The following SPEG variants were observed in gnomAD, a reference collection of about 807,000 sequenced individuals.
SPEG encodes the protein striated muscle enriched protein kinase.
A neutral mutation model predicts 300.4 loss-of-function variants in SPEG; 114 were observed. The observed-to-expected ratio is 0.38, with a 90% CI of 0.33 to 0.44. The LOEUF (loss-of-function observed/expected upper bound fraction) is 0.44, where lower values mean the gene tolerates loss of function less well. Among genes scored for constraint, SPEG ranks in the 20% least tolerant of loss-of-function variants. SPEG has a pLI of 1.00. For missense variants in SPEG, 4,201 were observed against 4,586.2 expected (o/e 0.92, Z 2.43); for synonymous variants, 1,964 against 2,018.9 (o/e 0.97, Z 0.73).
chr2:219,455,661 G>C (rs956860812), intron 6 of SPEG, among the ~76,000 whole-genome samples: 1 of 152,106 alleles, frequency 6.6e-6, no homozygotes, highest in Non-Finnish European at 1.5e-5. Context: ...GAAGAAGTTC[G>C]AGGTTGAGGT....
Position 219,467,419 on chromosome 2 carries a change from C to A in SPEG, c.3127C>A (p.Leu1043Ile), listed in dbSNP as rs1160103689. 6.2e-7 allele frequency: 1 copy of A among 1,604,428 alleles called. No homozygotes were observed. Among genetic ancestry groups the A allele is most frequent in the Admixed American group, 1.7e-5 (1 of 59,862 alleles). The stretch of plus-strand genomic sequence containing the variant: ...CGACAGTGGCGTCTACACCTGCAAG[C>A]TCAGCACGGCCAAAGGTAACTCCCC... ...EDDSGVYTCKLSTAKDELTCS... is the reference protein window; with the variant it reads ...EDDSGVYTCKISTAKDELTCS... Residue 1043 changes from leucine to isoleucine, a missense_variant, in exon 10 of 41, where the codon CTC (leucine) becomes ATC (isoleucine). Leu to Ile is a conservative substitution (Grantham distance 5, BLOSUM62 2). Transcript: ENST00000312358.
chr2:219,467,459 C>G, intron 10 of SPEG, 25 bp downstream of exon 10: 1 of 1,580,680 alleles, frequency 6.3e-7, no homozygotes. Flanking sequence ...AGGCATTGGG[C>G]TGCCGTGGGT....
intron 7 of SPEG, 104 bp from the exon 8 acceptor site, chr2:219,462,194 G>A (rs1690774922): frequency 1.6e-6 from 2 of 1,219,290 alleles, no homozygotes; most frequent in Admixed American, 2.3e-5. Flanking sequence ...CCCAGAGCCA[G>A]TCTCAGCCTG....
Position 219,467,326 on chromosome 2 carries a change from C to A in SPEG, c.3034C>A (p.Leu1012Met). Reference sequence around the variant, plus strand: ...CCGTGGCCGCCTGCTGCAGCCTGCACTGCTCAAATGCAAGATGCATTTCGA... The same window carrying A: ...CCGTGGCCGCCTGCTGCAGCCTGCAATGCTCAAATGCAAGATGCATTTCGA... The part of the protein sequence containing the change: ...LCRGRLLQPA[L>M]LKCKMHFDGR... The change falls in exon 10 of 41, where the codon CTG becomes ATG. Residue 1012 changes from leucine (L) to methionine (M), a missense_variant. Leu to Met is a conservative substitution (Grantham distance 15). This residue lies in a region of SPEG where 1,047 missense variants were observed against 1,356.8 expected (regional missense o/e 0.77). Transcript: ENST00000312358. 1 of 1,611,966 alleles carries A rather than the reference C, an allele frequency of 6.2e-7. No homozygotes were observed. Among genetic ancestry groups the A allele is most frequent in the Non-Finnish European group, 8.5e-7 (1 of 1,180,002 alleles).
chr2:219,461,163 A>G, intron 6 of SPEG: 1 of 941,018 alleles, frequency 1.1e-6, no homozygotes. Flanking sequence ...CCCTGGGGAC[A>G]CCCCTCCCCC....
Position 219,484,264 on chromosome 2 carries a change from G to T in SPEG, c.6801G>T (p.Ala2267=). The T allele has an allele frequency of 6.2e-7, 1 of 1,609,512 alleles. No individual in the cohort carries two copies. The highest frequency in any genetic ancestry group is 8.5e-7 in the Non-Finnish European group (1 of 1,179,748). The change falls in exon 30 of 41, where the codon GCG becomes GCT. Residue 2267 remains alanine (A), a synonymous_variant. Coordinates refer to ENST00000312358, the MANE Select transcript of SPEG (RefSeq NM_005876.5). ...HAQGPSQGPA[A]PPSEPKPHAA... is the part of the protein sequence containing the mutation. ...AGGGCCCCTCGCAGGGCCCTGCCGC[G>T]CCGCCTTCAGAGCCCAAGCCCCACG...
Position 219,480,276 on chromosome 2 carries a change from C to A in SPEG, c.5342+136C>A. The A allele has an allele frequency of 1.1e-6, 1 of 934,110 alleles. No individual in the cohort carries two copies. Among genetic ancestry groups the A allele is most frequent in the Non-Finnish European group, 1.6e-6 (1 of 621,106 alleles). 57.9% of individuals were successfully genotyped at this position (934,110 alleles called of 1,614,324 possible). A position where few individuals can be genotyped will look rare whatever the true frequency, so the allele number is the denominator to read the frequency against. On this transcript the variant is annotated intron_variant, in intron 25 of 40. Coordinates refer to ENST00000312358, the MANE Select transcript of SPEG (RefSeq NM_005876.5). The surrounding 1 kb of genome is among the most constrained non-coding windows in gnomAD (Gnocchi z 5.3). Reference sequence around the variant, plus strand: ...GGGCTGGAGGCATTGTTTGCAGGGTCTCCTGCCCATGTTACTCCTTGCCCC... The same window carrying A: ...GGGCTGGAGGCATTGTTTGCAGGGTATCCTGCCCATGTTACTCCTTGCCCC...
At position 219,477,809 on chromosome 2, in the gene SPEG, G is replaced by A. The variant is rs980471281; in HGVS notation, c.4826+24G>A. ...AGGTGTGGGGCTAGGAGGGAAGCCA[G>A]TGGGGGCCGAGAGAGGCTGCTGGGT... On this transcript the variant is annotated intron_variant, in intron 21 of 40. Coordinates refer to ENST00000312358, the MANE Select transcript of SPEG (RefSeq NM_005876.5). The surrounding 1 kb of genome is among the most constrained non-coding windows in gnomAD (Gnocchi z 6.4). The A allele has an allele frequency of 4.4e-6, 7 of 1,597,148 alleles. No individual in the cohort carries two copies. The highest frequency in any genetic ancestry group is 1.1e-5 in the South Asian group (1 of 88,906).
rs767356198 is a variant in SPEG at position 219,451,654 on chromosome 2, C to T, written c.2287C>T (p.Arg763Cys). 5.9e-5 allele frequency: 94 copies of T among 1,586,988 alleles called. No individual in the cohort carries two copies. The highest frequency in any genetic ancestry group is 3.0e-4 in the Admixed American group (17 of 57,414). The change falls in exon 6 of 41, where the codon CGC becomes TGC. Residue 763 changes from arginine to cysteine, a missense_variant. Coordinates refer to ENST00000312358, the MANE Select transcript of SPEG (RefSeq NM_005876.5). This position sits in a 1 kb window ranked among gnomAD's most constrained non-coding sequence, Gnocchi z 6.4. ...VSWHKDGSAL[R>C]SEGRLLLRAE... ...CTGGCACAAGGATGGGTCAGCGCTGCGCAGCGAGGGCCGCCTCCTCCTCCG... is the reference window on the plus strand; with the variant it reads ...CTGGCACAAGGATGGGTCAGCGCTGTGCAGCGAGGGCCGCCTCCTCCTCCG...
chr2:219,438,878 G>A (rs1275928049), intron 1 of SPEG, among the ~76,000 whole-genome samples: 2 of 152,214 alleles, frequency 1.3e-5, no homozygotes, highest in Admixed American at 1.3e-4. Flanking sequence ...GCAAGGAAAG[G>A]GTAGAGGAAT....
In SPEG at chr2:219,479,051, G is replaced by A. The variant is rs1263545063; in HGVS notation, c.5028-93G>A. The A allele has an allele frequency of 9.0e-7, 1 of 1,116,256 alleles. No individual in the cohort carries two copies. The highest frequency in any genetic ancestry group is 1.3e-6 in the Non-Finnish European group (1 of 745,118). 69.1% of individuals were successfully genotyped at this position (1,116,256 alleles called of 1,614,324 possible). On this transcript the variant is annotated intron_variant, in intron 22 of 40. Transcript: ENST00000312358. This position sits in a 1 kb window ranked among gnomAD's most constrained non-coding sequence, Gnocchi z 5.5. ...AGTATCAAGCATTCTGTAAGGGGAAGGAGAACCCCGTGCTGAGCTGGGACC... is the reference window on the plus strand; with the variant it reads ...AGTATCAAGCATTCTGTAAGGGGAAAGAGAACCCCGTGCTGAGCTGGGACC...
chr2:219,475,772 C>T (rs1337856682), intron 18 of SPEG, among the ~76,000 whole-genome samples: 2 of 152,236 alleles, frequency 1.3e-5, no homozygotes, highest in Non-Finnish European at 2.9e-5. Context: ...AGTCAGGGCT[C>T]TGATGGGGCT....
In SPEG at chr2:219,463,087, G is replaced by A. The variant is rs555204567; in HGVS notation, c.2705+701G>A. ...TAGCTGGACGTGGTAGTACATGCCTGTAGACCCAGCTACTTATGAGGGTGA... is the reference window on the plus strand; with the variant it reads ...TAGCTGGACGTGGTAGTACATGCCTATAGACCCAGCTACTTATGAGGGTGA... On this transcript the variant is annotated intron_variant, in intron 8 of 40. Coordinates refer to ENST00000312358, the MANE Select transcript of SPEG (RefSeq NM_005876.5). 2.0e-5 allele frequency among the ~76,000 whole-genome samples: 3 copies of A among 152,002 alleles called. No individual in the cohort carries two copies. In the South Asian group the frequency reaches 6.2e-4, roughly 32 times the overall value.
Position 219,480,590 on chromosome 2 carries a change from C to G in SPEG, c.5343-81C>G, listed in dbSNP as rs1692748652. Reference sequence around the variant, plus strand: ...GTTCCCAGGGAGGTAACAGCTCACTCAGGTCAGCAGTAGCAAAGAACTGCT... The same window carrying G: ...GTTCCCAGGGAGGTAACAGCTCACTGAGGTCAGCAGTAGCAAAGAACTGCT... On this transcript the variant is annotated intron_variant, in intron 25 of 40. Coordinates refer to ENST00000312358, the MANE Select transcript of SPEG (RefSeq NM_005876.5). This position sits in a 1 kb window ranked among gnomAD's most constrained non-coding sequence, Gnocchi z 5.3. The G allele has an allele frequency of 1.4e-6, 2 of 1,438,024 alleles. No homozygotes were observed. Among genetic ancestry groups the G allele is most frequent in the Non-Finnish European group, 2.0e-6 (2 of 1,020,242 alleles). 89.1% of individuals were successfully genotyped at this position (1,438,024 alleles called of 1,614,324 possible).
chr2:219,461,797 C>G, intron 6 of SPEG, 85 bp from the exon 7 acceptor site: 1 of 1,429,280 alleles, frequency 7.0e-7, no homozygotes, highest in South Asian at 1.2e-5. Context: ...TGCCGCAACT[C>G]CTGGGCTCTG....
intron 1 of SPEG, among the ~76,000 whole-genome samples, chr2:219,440,769 G>A (rs1304278405): frequency 6.6e-6 from 1 of 152,132 alleles, no homozygotes; most frequent in Non-Finnish European, 1.5e-5. Flanking sequence ...TAACCTCTCT[G>A]TGTCTCAGTC....
At position 219,485,485 on chromosome 2, in the gene SPEG, G is replaced by A. The variant is rs1217988455; in HGVS notation, c.7741+8G>A. The A allele has an allele frequency of 1.1e-5, 17 of 1,554,602 alleles. No individual in the cohort carries two copies. Among genetic ancestry groups the A allele is most frequent in the Non-Finnish European group, 1.3e-5 (15 of 1,148,864 alleles). ...ACGTGCGCAGTGAGTCAGGTAATAA[G>A]AGGCCTGCTGGGTGAGGACCCTCCT... On this transcript the variant is annotated splice_region_variant and intron_variant, in intron 31 of 40. Coordinates refer to ENST00000312358, the MANE Select transcript of SPEG (RefSeq NM_005876.5).
In SPEG at chr2:219,484,245, C is replaced by T. The variant is rs79250336; in HGVS notation, c.6782C>T (p.Pro2261Leu). The T allele has an allele frequency of 3.0e-3, 4,800 of 1,611,128 alleles. 129 individuals are homozygous for T. In the African/African-American group the frequency reaches 0.055, roughly 19 times the overall value. ...CAGCTGTCAGGCCACGCCCAGGGCC[C>T]CTCGCAGGGCCCTGCCGCGCCGCCT... ...SLQLSGHAQGPSQGPAAPPSE... is the reference protein window; with the variant it reads ...SLQLSGHAQGLSQGPAAPPSE... The change falls in exon 30 of 41, where the codon CCC (proline) becomes CTC (leucine). Residue 2261 changes from proline to leucine, a missense_variant. Pro to Leu is a moderately conservative substitution (Grantham distance 98). Transcript: ENST00000312358.
chr2:219,490,487 T>C lies in SPEG; in HGVS notation c.9000T>C (p.Ala3000=). The C allele has an allele frequency of 6.2e-7, 1 of 1,613,634 alleles. No individual in the cohort carries two copies. The highest frequency in any genetic ancestry group is 8.5e-7 in the Non-Finnish European group (1 of 1,180,026). ...RTFVAKIVPY[A]AEGKRRVLQE... is the part of the protein sequence containing the mutation. ...TCGTGGCCAAGATCGTGCCCTATGC[T>C]GCCGAGGGCAAGCGGCGGGTCCTGC... The change falls in exon 37 of 41, where the codon GCT becomes GCC. Residue 3000 remains alanine (A), a synonymous_variant. Transcript: ENST00000312358.
Sources: gnomAD v4.1 joint callset for allele counts (sites outside exome capture counted in the v4.1 genomes callset) on GRCh38, gnomAD v4.1.1 for gene constraint, gnomAD v4.1.1 regional missense constraint, Gnocchi (gnomAD v3.1) non-coding constraint, MANE v1.5 for transcripts, NCBI Gene and HGNC (gene_info 2026-07-23, HGNC 2026-07-21) for gene names.